LRP1B: variants seen among roughly 807,000 people sequenced by gnomAD.
The protein encoded by LRP1B is LDL receptor related protein 1B, also known as low-density lipoprotein receptor-related protein 1B.
A neutral mutation model predicts 556.6 loss-of-function variants in LRP1B; 217 were observed. That is an observed-to-expected ratio of 0.39 (90% CI 0.35 to 0.44). The LOEUF is 0.44. Ranked by LOEUF, LRP1B falls within the 20% of genes least tolerant of loss-of-function variation. The pLI is 1.00. For synonymous variants in LRP1B, 2,047 were observed against 1,865.8 expected, an observed-to-expected ratio of 1.10 and a Z score of -2.50; for missense variants, 5,053 against 5,620.8, an observed-to-expected ratio of 0.90 and a Z score of 3.23.
intron 11 of LRP1B, among the ~76,000 whole-genome samples, chr2:141,034,218 C>G (rs1015451208): frequency 1.3e-5 from 2 of 152,036 alleles, no homozygotes; most frequent in Non-Finnish European, 2.9e-5. Context: ...ATCTGTATTC[C>G]AATTAGGAAA....
At chr2:141,236,906 C>A (rs894745758) in intron 5 of LRP1B, among the ~76,000 whole-genome samples, 1 of 152,160 alleles carries the variant, frequency 6.6e-6, no homozygotes, top group Non-Finnish European at 1.5e-5. Flanking sequence ...TATGGTCCTC[C>A]AAACTAGATT....
intron 43 of LRP1B, among the ~76,000 whole-genome samples, chr2:140,544,805 T>C (rs993792094): frequency 2.0e-5 from 3 of 152,136 alleles, no homozygotes; most frequent in Non-Finnish European, 4.4e-5. Context: ...ATCTTTACAA[T>C]AGAATGATTT....
At chr2:141,700,746 C>T (rs1302098185) in intron 2 of LRP1B, among the ~76,000 whole-genome samples, 4 of 151,860 alleles carry the variant, frequency 2.6e-5, no homozygotes, top group African/African-American at 7.2e-5. Flanking sequence ...ACGAACTTTC[C>T]ATCCTCCTTT....
At chr2:141,424,100 T>C (rs189787498) in intron 3 of LRP1B, among the ~76,000 whole-genome samples, 18 of 145,452 alleles carry the variant, frequency 1.2e-4, no homozygotes, top group African/African-American at 3.0e-4. Flanking sequence ...AGTTAACTAT[T>C]ACAAGCCTTC....
chr2:141,577,322 A>G (rs1275056707), intron 2 of LRP1B, among the ~76,000 whole-genome samples: 1 of 152,172 alleles, frequency 6.6e-6, no homozygotes, highest in Non-Finnish European at 1.5e-5. Context: ...GGGGTGACCT[A>G]CACTACCAGG....
At chr2:141,194,357 G>C (rs931315845) in intron 6 of LRP1B, among the ~76,000 whole-genome samples, 1 of 151,996 alleles carries the variant, frequency 6.6e-6, no homozygotes, top group African/African-American at 2.4e-5. Context: ...ATGTCTACAA[G>C]GATCAGAATG....
intron 1 of LRP1B, among the ~76,000 whole-genome samples, chr2:141,853,398 A>T (rs1185213328): frequency 6.6e-6 from 1 of 151,728 alleles, no homozygotes; most frequent in Admixed American, 6.6e-5. Context: ...AATTGTGCCT[A>T]TTCTATTTAT....
chr2:142,014,270 G>C (rs1304693167), intron 1 of LRP1B, among the ~76,000 whole-genome samples: 1 of 151,242 alleles, frequency 6.6e-6, no homozygotes, highest in African/African-American at 2.5e-5. Context: ...GGTCTGAATT[G>C]GGACCCCTTT....
intron 7 of LRP1B, among the ~76,000 whole-genome samples, chr2:141,097,901 T>C (rs896480114): frequency 1.5e-4 from 23 of 152,316 alleles, no homozygotes; most frequent in Middle Eastern, 3.4e-3. Context: ...TAGAACTATG[T>C]TTGTAAAATA....
intron 41 of LRP1B, among the ~76,000 whole-genome samples, chr2:140,690,537 T>C (rs574158781): frequency 1.8e-4 from 28 of 152,302 alleles, no homozygotes; most frequent in African/African-American, 6.7e-4. Context: ...TGATTTTTCT[T>C]CCCCTACATC....
chr2:141,082,918 G>T (rs1051402336), intron 7 of LRP1B, among the ~76,000 whole-genome samples: 10 of 152,164 alleles, frequency 6.6e-5, no homozygotes, highest in African/African-American at 2.2e-4. Context: ...TATGTTATGT[G>T]ATCCCATTCT....
intron 35 of LRP1B, among the ~76,000 whole-genome samples, chr2:140,733,006 T>C (rs1361859724): frequency 6.6e-6 from 1 of 152,190 alleles, no homozygotes; most frequent in Non-Finnish European, 1.5e-5. Flanking sequence ...TGTACTTGTG[T>C]GCATGTATGT....
At position 141,828,700 on chromosome 2, in the gene LRP1B, C is replaced by T. The variant is rs139778352; in HGVS notation, c.83-18299G>A. Among the ~76,000 whole-genome samples, 167 of 152,190 alleles carry T rather than the reference C, an allele frequency of 1.1e-3. 1 individual carries two copies. Among genetic ancestry groups the T allele is most frequent in the African/African-American group, 3.3e-3 (135 of 41,516 alleles). On this transcript the variant is annotated intron_variant, in intron 1 of 90. Transcript: ENST00000389484. ...TTGGATCAGGGATAGGCACATGACCCAAGGCAGCCAATGATGTGGTCTAAT... is the reference window on the plus strand; with the variant it reads ...TTGGATCAGGGATAGGCACATGACCTAAGGCAGCCAATGATGTGGTCTAAT...
chr2:140,303,012 CAT>C (rs59878403), intron 83 of LRP1B, among the ~76,000 whole-genome samples: 10,969 of 81,974 alleles, frequency 0.13, 643 homozygotes, highest in Middle Eastern at 0.17. Flanking sequence ...AAATCTCCTT[CAT>C]ATATATATAT....
intron 15 of LRP1B, among the ~76,000 whole-genome samples, chr2:140,998,919 G>C (rs1697331328): frequency 6.6e-6 from 1 of 152,034 alleles, no homozygotes; most frequent in Non-Finnish European, 1.5e-5. Context: ...CAGTTCACAT[G>C]ACTATAATCT....
At chr2:140,573,370 A>T (rs1019885194) in intron 43 of LRP1B, among the ~76,000 whole-genome samples, 3 of 151,924 alleles carry the variant, frequency 2.0e-5, no homozygotes, top group Admixed American at 6.6e-5. Flanking sequence ...TGTCTTCATT[A>T]TAACTAAAAG....
At chr2:140,289,038 T>G (rs1260905744) in intron 84 of LRP1B, among the ~76,000 whole-genome samples, 3 of 151,958 alleles carry the variant, frequency 2.0e-5, no homozygotes, top group Non-Finnish European at 4.4e-5. Flanking sequence ...AAAAAGTTCC[T>G]GCTATGATGC....
chr2:141,094,852 G>A (rs917223359), intron 7 of LRP1B, among the ~76,000 whole-genome samples: 5 of 152,076 alleles, frequency 3.3e-5, no homozygotes, highest in Admixed American at 6.6e-5. Flanking sequence ...CAATGAAATC[G>A]GAAACAATTG....
intron 2 of LRP1B, among the ~76,000 whole-genome samples, chr2:141,767,620 T>C (rs1437330494): frequency 2.6e-5 from 4 of 152,166 alleles, no homozygotes; most frequent in African/African-American, 7.2e-5. Flanking sequence ...TTGCTAAATA[T>C]AAAATAAAGA....
Sources: gnomAD v4.1 joint callset for allele counts (sites outside exome capture counted in the v4.1 genomes callset) on GRCh38, gnomAD v4.1.1 for gene constraint, MANE v1.5 for transcripts, NCBI Gene and HGNC (gene_info 2026-07-23, HGNC 2026-07-21) for gene names.